VSX1: variants seen among roughly 807,000 people sequenced by gnomAD.
The protein encoded by VSX1 is homeodomain protein RINX.
A neutral mutation model predicts 23.6 loss-of-function variants in VSX1; 23 were observed. The ratio of observed to expected loss-of-function variants is 0.97; its 90% CI spans 0.70 to 1.38. The LOEUF (loss-of-function observed/expected upper bound fraction) is 1.38, where lower values mean the gene tolerates loss of function less well. Ranked by LOEUF, VSX1 falls within the 40% of genes most tolerant of loss-of-function variation. VSX1 has a pLI of 0.00. For synonymous variants in VSX1, 247 were observed against 215.1 expected (o/e 1.15, Z -1.30); for missense variants, 517 against 495.4 (o/e 1.04, Z -0.41).
At chr20:25,081,493 A>C in intron 1 of VSX1, 180 bp downstream of exon 1, 2 of 947,762 alleles carry the variant, frequency 2.1e-6, no homozygotes, top group Non-Finnish European at 3.4e-6. Context: ...TTTAGGATGC[A>C]GCAAGGGGCA....
chr20:25,079,873 A>G (rs2089603711), intron 1 of VSX1, among the ~76,000 whole-genome samples: 1 of 152,076 alleles, frequency 6.6e-6, no homozygotes, highest in Non-Finnish European at 1.5e-5. Context: ...AGCCAAAACT[A>G]CTCAGCCACT....
At position 25,075,758 on chromosome 20, in the gene VSX1, A is replaced by C. The variant is rs1324453182; in HGVS notation, c.*503T>G. ...AGAAAACACAAAATTACTCCCTAACAAGAAAATTGAAATATCCAAGGCCAA... is the reference window on the plus strand; with the variant it reads ...AGAAAACACAAAATTACTCCCTAACCAGAAAATTGAAATATCCAAGGCCAA... On this transcript the variant is annotated 3_prime_UTR_variant, in exon 5 of 5. Transcript: ENST00000376709. 6.4e-6 allele frequency: 1 copy of C among 157,282 alleles called. No individual in the cohort carries two copies. Among genetic ancestry groups the C allele is most frequent in the Admixed American group, 6.2e-5 (1 of 16,128 alleles). The allele number at this position is 157,282 out of a possible 1,614,324, so 9.7% of individuals were successfully genotyped here.
downstream of VSX1, chr20:25,071,627 G>T (rs1177780281): frequency 1.8e-6 from 1 of 552,866 alleles, no homozygotes; most frequent in Non-Finnish European, 3.4e-6. Context: ...AATAAGGAGG[G>T]GAGTTTCTGT....
chr20:25,073,560 G>C (rs948636235), downstream of VSX1, among the ~76,000 whole-genome samples: 2 of 152,182 alleles, frequency 1.3e-5, no homozygotes, highest in African/African-American at 2.4e-5. Flanking sequence ...TAGCCCCAGA[G>C]GTGAATTTTG....
At chr20:25,073,949 C>A (rs1015018890), downstream of VSX1, among the ~76,000 whole-genome samples, 1 of 152,052 alleles carries the variant, frequency 6.6e-6, no homozygotes, top group Non-Finnish European at 1.5e-5. Flanking sequence ...GCTCTTAGGG[C>A]GACGTTTTGC....
downstream of VSX1, chr20:25,072,714 AT>A (rs1294426768): frequency 2.1e-6 from 1 of 469,938 alleles, no homozygotes; most frequent in East Asian, 6.9e-5. Flanking sequence ...GTTTTCATAT[AT>A]TGTTTTTATA....
chr20:25,076,252 C>T lies in VSX1; in HGVS notation c.*9G>A, dbSNP rs540266637. The stretch of plus-strand genomic sequence containing the variant: ...CATTTTCAGCCTTTGACAGTGGGAC[C>T]TGTGGGTCTCATGTGGCTCCCACCT... On this transcript the variant is annotated 3_prime_UTR_variant, in exon 5 of 5. Coordinates refer to ENST00000376709, the MANE Select transcript of VSX1 (RefSeq NM_014588.6). 1 of 1,614,028 alleles carries T rather than the reference C, an allele frequency of 6.2e-7. No individual in the cohort carries two copies. The highest frequency in any genetic ancestry group is 8.5e-7 in the Non-Finnish European group (1 of 1,180,042).
chr20:25,076,966 G>A (rs2089510025), intron 4 of VSX1, among the ~76,000 whole-genome samples: 1 of 152,202 alleles, frequency 6.6e-6, no homozygotes, highest in Non-Finnish European at 1.5e-5. Context: ...CCCAGGATAG[G>A]GCTGCTTGGT....
At chr20:25,081,543 C>T (rs1485921947) in intron 1 of VSX1, 130 bp downstream of exon 1, 3 of 1,411,616 alleles carry the variant, frequency 2.1e-6, no homozygotes, top group Non-Finnish European at 3.0e-6. Context: ...GCGACGGGGC[C>T]TCGCTCTGGG....
intron 4 of VSX1, 24 bp from the exon 5 acceptor site, chr20:25,076,574 G>A (rs749856746): frequency 1.3e-6 from 2 of 1,574,304 alleles, no homozygotes; most frequent in East Asian, 4.5e-5. Flanking sequence ...AAATAAAAAG[G>A]AAAAAATAAA....
At chr20:25,072,559 C>T (rs114654660), downstream of VSX1, 11,119 of 471,042 alleles carry the variant, frequency 0.024, 207 homozygotes, top group African/African-American at 0.069. Flanking sequence ...GGTGTTTTCC[C>T]GATCCTTGGC....
downstream of VSX1, chr20:25,071,828 G>T: frequency 1.4e-6 from 1 of 712,842 alleles, no homozygotes; most frequent in South Asian, 1.5e-5. Context: ...TGATCATCAA[G>T]GATGACACAG....
rs776087367 is a variant in VSX1 at position 25,076,486 on chromosome 20, G to A, written c.873C>T (p.Leu291=). The A allele has an allele frequency of 6.2e-7, 1 of 1,613,774 alleles. No homozygotes were observed. Among genetic ancestry groups the A allele is most frequent in the Non-Finnish European group, 8.5e-7 (1 of 1,179,988 alleles). The part of the protein sequence containing the change: ...KPGSEDKLAG[L]WGSDHFKEGS... The stretch of plus-strand genomic sequence containing the variant: ...CTTCTTTGAAGTGGTCAGAGCCCCA[G>A]AGTCCTGCCAACTTATCTTCACTTC... The change falls in exon 5 of 5, where the codon CTC becomes CTT. Residue 291 remains leucine, a synonymous_variant. Transcript: ENST00000376709.
At chr20:25,071,458 G>A (rs1003052727), downstream of VSX1, 13 of 453,238 alleles carry the variant, frequency 2.9e-5, no homozygotes, top group African/African-American at 2.0e-4. Context: ...GAGACAGAGT[G>A]AGACCCTGCC....
Position 25,082,072 on chromosome 20 carries a change from C to G in VSX1, c.25G>C (p.Asp9His). The part of the protein sequence containing the change: MTGRDSLS[D>H]GRTSSRALVP... Reference sequence around the variant, plus strand: ...AGCGCCCTGCTGCTAGTGCGCCCGTCGGAAAGCGAGTCCCGGCCGGTCATG... The same window carrying G: ...AGCGCCCTGCTGCTAGTGCGCCCGTGGGAAAGCGAGTCCCGGCCGGTCATG... The change falls in exon 1 of 5, where the codon GAC becomes CAC. Residue 9 changes from aspartate (D) to histidine (H), a missense_variant. By Grantham distance (81) the Asp-to-His change is moderately conservative. Coordinates refer to ENST00000376709, the MANE Select transcript of VSX1 (RefSeq NM_014588.6). 1.4e-5 allele frequency: 21 copies of G among 1,538,678 alleles called. No individual in the cohort carries two copies. Among genetic ancestry groups the G allele is most frequent in the Non-Finnish European group, 1.8e-5 (21 of 1,148,486 alleles).
downstream of VSX1, among the ~76,000 whole-genome samples, chr20:25,073,206 T>C (rs1007415536): frequency 6.6e-6 from 1 of 151,196 alleles, no homozygotes; most frequent in African/African-American, 2.4e-5. Flanking sequence ...TAACCCTATA[T>C]TGAGAAAGCG....
intron 1 of VSX1, among the ~76,000 whole-genome samples, chr20:25,080,965 C>T (rs2089627410): frequency 6.6e-6 from 1 of 152,204 alleles, no homozygotes; most frequent in South Asian, 2.1e-4. Flanking sequence ...CACTCGTTTC[C>T]TTAGCCCTTG....
In VSX1 at chr20:25,082,035, C is replaced by G. The variant is rs1258264545; in HGVS notation, c.62G>C (p.Gly21Ala). The G allele has an allele frequency of 4.6e-6, 7 of 1,537,154 alleles. No individual in the cohort carries two copies. The African/African-American group carries it at 5.5e-5, about 12-fold the overall frequency. Residue 21 changes from glycine (G) to alanine (A), a missense_variant, in exon 1 of 5, where the codon GGT (glycine) becomes GCT (alanine). Physicochemically the swap from Gly to Ala is moderately conservative, Grantham distance 60. Coordinates refer to ENST00000376709, the MANE Select transcript of VSX1 (RefSeq NM_014588.6). The stretch of plus-strand genomic sequence containing the variant: ...CCGGGGGCGCGAGCCCCTAGGGGAA[C>G]CGCCAGGCACCAGCGCCCTGCTGCT... ...RTSSRALVPG[G>A]SPRGSRPRGF...
chr20:25,071,890 A>G (rs79124131), downstream of VSX1: 527 of 711,872 alleles, frequency 7.4e-4, 5 homozygotes, highest in African/African-American at 7.7e-3. Flanking sequence ...GCACTTCTCC[A>G]GAGGGGCAGA....
Sources: gnomAD v4.1 joint callset for allele counts (sites outside exome capture counted in the v4.1 genomes callset) on GRCh38, gnomAD v4.1.1 for gene constraint, MANE v1.5 for transcripts, NCBI Gene and HGNC (gene_info 2026-07-23, HGNC 2026-07-21) for gene names.